The following NME7 variants were observed in gnomAD, a reference collection of about 807,000 sequenced individuals.
The protein encoded by NME7 is nucleoside diphosphate kinase 7.
A neutral mutation model predicts 49.1 loss-of-function variants in NME7; 41 were observed. The ratio of observed to expected loss-of-function variants is 0.83; its 90% confidence interval spans 0.65 to 1.08. The LOEUF is 1.08. NME7 is among the 50% of genes least tolerant of loss of function. The probability of loss-of-function intolerance (pLI) is 0.00; values close to 1 mark genes in which losing one functional copy is unlikely to be tolerated. For missense variants in NME7, 423 were observed against 463.4 expected (o/e 0.91, Z 0.80); for synonymous variants, 139 against 150.6 (o/e 0.92, Z 0.56).
chr1:169,235,101 C>T (rs1392545021), intron 9 of NME7, 30 bp downstream of exon 9: 2 of 1,278,624 alleles, frequency 1.6e-6, no homozygotes, highest in Admixed American at 2.1e-5. Flanking sequence ...CTTAACAGTA[C>T]AAATGTTTTA....
chr1:169,310,514 T>TAAA (rs1651341879), intron 3 of NME7, among the ~76,000 whole-genome samples: 1 of 152,224 alleles, frequency 6.6e-6, no homozygotes, highest in East Asian at 1.9e-4. Flanking sequence ...GATTTGGAAA[T>TAAA]AATTATAAAT....
chr1:169,358,000 C>T (rs1249926801), intron 1 of NME7, among the ~76,000 whole-genome samples: 1 of 152,044 alleles, frequency 6.6e-6, no homozygotes, highest in Non-Finnish European at 1.5e-5. Flanking sequence ...CCAATCTCTG[C>T]CATTTCCCTC....
intron 7 of NME7, among the ~76,000 whole-genome samples, chr1:169,249,675 G>GT (rs967221763): frequency 2.2e-4 from 33 of 151,830 alleles, no homozygotes; most frequent in Non-Finnish European, 3.5e-4. Flanking sequence ...TGTTTGTTGA[G>GT]TTTTTTTATA....
chr1:169,249,888 G>C (rs1558006743), intron 7 of NME7, among the ~76,000 whole-genome samples: 1 of 151,978 alleles, frequency 6.6e-6, no homozygotes, highest in Non-Finnish European at 1.5e-5. Flanking sequence ...GTATTTTGTT[G>C]AGGATTTTTG....
chr1:169,140,727 A>T (rs1571237950), intron 11 of NME7, among the ~76,000 whole-genome samples: 1 of 19,718 alleles, frequency 5.1e-5, no homozygotes, highest in Non-Finnish European at 9.2e-5. Flanking sequence ...GTCTATCCTT[A>T]AAAAAAAAAA....
At chr1:169,355,763 T>C (rs1346161907) in intron 1 of NME7, among the ~76,000 whole-genome samples, 1 of 152,080 alleles carries the variant, frequency 6.6e-6, no homozygotes, top group African/African-American at 2.4e-5. Flanking sequence ...ACTCTCTGTC[T>C]TGTTTGATTT....
chr1:169,154,934 T>C (rs1659022776), intron 11 of NME7, among the ~76,000 whole-genome samples: 1 of 152,234 alleles, frequency 6.6e-6, no homozygotes, highest in East Asian at 1.9e-4. Flanking sequence ...GGATTTTTTC[T>C]TTATTTTTAA....
At chr1:169,167,661 G>A (rs1030108785) in intron 11 of NME7, among the ~76,000 whole-genome samples, 1 of 152,120 alleles carries the variant, frequency 6.6e-6, no homozygotes, top group Non-Finnish European at 1.5e-5. Flanking sequence ...TTTAAAAGAT[G>A]AGAGATCAAA....
intron 11 of NME7, among the ~76,000 whole-genome samples, chr1:169,149,912 C>A (rs939579194): frequency 1.3e-5 from 2 of 152,178 alleles, no homozygotes; most frequent in African/African-American, 4.8e-5. Flanking sequence ...TTATTGAATT[C>A]GGATTATACA....
chr1:169,187,970 T>A (rs1462539494), intron 10 of NME7, among the ~76,000 whole-genome samples: 7 of 152,180 alleles, frequency 4.6e-5, no homozygotes, highest in Non-Finnish European at 5.9e-5. Context: ...AGCATTTGCT[T>A]GTCTGAAAAG....
At chr1:169,170,539 A>G (rs1659553961) in intron 10 of NME7, among the ~76,000 whole-genome samples, 2 of 152,238 alleles carry the variant, frequency 1.3e-5, no homozygotes, top group African/African-American at 4.8e-5. Flanking sequence ...GTAGAAAATA[A>G]GGATGTCTTT....
At chr1:169,326,537 GC>G in intron 1 of NME7, among the ~76,000 whole-genome samples, 1 of 152,228 alleles carries the variant, frequency 6.6e-6, no homozygotes, top group Non-Finnish European at 1.5e-5. Context: ...GGTAGAGGGA[GC>G]CCACCAAGGG....
intron 6 of NME7, among the ~76,000 whole-genome samples, chr1:169,298,218 C>A (rs1288411421): frequency 6.6e-6 from 1 of 152,142 alleles, no homozygotes; most frequent in African/African-American, 2.4e-5. Context: ...CAAATTATAT[C>A]TTCTTTTTAA....
intron 11 of NME7, among the ~76,000 whole-genome samples, chr1:169,151,179 C>T (rs1237164213): frequency 6.6e-6 from 1 of 152,082 alleles, no homozygotes; most frequent in African/African-American, 2.4e-5. Context: ...CATCTCCACC[C>T]TCATTGCTCT....
At chr1:169,264,417 G>A (rs568011093) in intron 7 of NME7, among the ~76,000 whole-genome samples, 1 of 133,260 alleles carries the variant, frequency 7.5e-6, no homozygotes, top group Admixed American at 7.3e-5. Context: ...CAAACAAACG[G>A]AAAACAGAAA....
chr1:169,278,798 T>C lies in NME7; in HGVS notation c.754+8505A>G, dbSNP rs188854658. ...TTTCCAGTTTTTCTGCTGTGTTTTT[T>C]CCCCATCTTTGTGGTTTTATCTACT... is the stretch of plus-strand genomic sequence containing the variant. On this transcript the variant is annotated intron_variant, in intron 7 of 11. Transcript: ENST00000367811. Among the ~76,000 whole-genome samples the C allele has an allele frequency of 3.6e-3, 543 of 152,306 alleles. 5 individuals carry two copies. The highest frequency in any genetic ancestry group is 0.012 in the African/African-American group (505 of 41,576).
intron 10 of NME7, among the ~76,000 whole-genome samples, chr1:169,175,426 G>C (rs1292776326): frequency 6.6e-6 from 1 of 152,042 alleles, no homozygotes; most frequent in Non-Finnish European, 1.5e-5. Context: ...ATGTAAACCA[G>C]TAACATAGTC....
chr1:169,186,794 G>T (rs1312567786), intron 10 of NME7, among the ~76,000 whole-genome samples: 1 of 151,780 alleles, frequency 6.6e-6, no homozygotes, highest in Non-Finnish European at 1.5e-5. Context: ...CTTGTCTTCT[G>T]CTAGCTTTTG....
At chr1:169,163,519 C>A (rs1344135534) in intron 11 of NME7, among the ~76,000 whole-genome samples, 2 of 152,050 alleles carry the variant, frequency 1.3e-5, no homozygotes, top group Non-Finnish European at 2.9e-5. Context: ...AAGGAGAAAA[C>A]TAAATGCAAT....
Sources: allele counts gnomAD v4.1 joint callset (sites outside exome capture counted in the v4.1 genomes callset), GRCh38; gene constraint gnomAD v4.1.1; transcripts MANE v1.5; gene names NCBI Gene and HGNC (gene_info 2026-07-23, HGNC 2026-07-21).